Variants in SLC35F4 observed in about 807,000 individuals in gnomAD.
SLC35F4 encodes chromosome 14 open reading frame 36.
SLC35F4 carries 24 observed loss-of-function variants against 44.2 expected under a neutral mutation model. The ratio of observed to expected loss-of-function variants is 0.54; its 90% CI spans 0.39 to 0.76. SLC35F4 has a LOEUF of 0.76. SLC35F4 is among the 30% of genes least tolerant of loss of function. The pLI, the probability that SLC35F4 is intolerant of heterozygous loss-of-function variation, is 0.00. For synonymous variants in SLC35F4, 238 were observed against 223.6 expected, an observed-to-expected ratio of 1.06 and a Z score of -0.57; for missense variants, 562 against 586.1, an observed-to-expected ratio of 0.96 and a Z score of 0.42.
chr14:57,657,573 G>A (rs73303885), intron 1 of SLC35F4, among the ~76,000 whole-genome samples: 3,957 of 152,060 alleles, frequency 0.026, 163 homozygotes, highest in African/African-American at 0.089. Flanking sequence ...ATCCTGTGCC[G>A]GCCCTTGCTT....
At chr14:57,847,853 G>A (rs1886176938) in intron 1 of SLC35F4, among the ~76,000 whole-genome samples, 1 of 152,176 alleles carries the variant, frequency 6.6e-6, no homozygotes, top group Non-Finnish European at 1.5e-5. Flanking sequence ...TGTAGTAAAA[G>A]TTGGAAGATA....
chr14:57,635,931 G>T (rs191695369), intron 1 of SLC35F4, among the ~76,000 whole-genome samples: 27 of 152,256 alleles, frequency 1.8e-4, no homozygotes, highest in South Asian at 4.1e-4. Context: ...CAAAGCAAGA[G>T]AAATGGAGCC....
intron 1 of SLC35F4, among the ~76,000 whole-genome samples, chr14:57,618,959 G>C (rs1463250594): frequency 6.6e-6 from 1 of 152,180 alleles, no homozygotes; most frequent in Non-Finnish European, 1.5e-5. Context: ...CCGCAGCTCA[G>C]CAAGGCTGCT....
chr14:57,924,483 C>T lies in SLC35F4; in HGVS notation n.282+57430G>A, dbSNP rs142124318. Among the ~76,000 whole-genome samples the T allele has an allele frequency of 3.8e-3, 572 of 151,768 alleles. 4 individuals carry two copies. Among genetic ancestry groups the T allele is most frequent in the African/African-American group, 0.013 (535 of 41,350 alleles). The stretch of plus-strand genomic sequence containing the variant: ...TTTTTTTTTAAGACGGAGACTCGCT[C>T]TGTCACCCAGGCTGGGGTGCAATGG... On this transcript the variant is annotated intron_variant and non_coding_transcript_variant, in intron 1 of 1. Transcript: ENST00000556568.
Position 57,741,444 on chromosome 14 carries a change from C to T in SLC35F4, c.103+124279G>A, listed in dbSNP as rs192010433. Among the ~76,000 whole-genome samples, 227 of 152,250 alleles carry T rather than the reference C, an allele frequency of 1.5e-3. 1 individual carries two copies. The highest frequency in any genetic ancestry group is 6.8e-3 in the Middle Eastern group (2 of 294). On this transcript the variant is annotated intron_variant, in intron 1 of 7. Transcript: ENST00000556826. ...TGGCACGAGAACTACGTGACACATGCACAAGCTTCAATAGCCAATTCGATC... is the reference window on the plus strand; with the variant it reads ...TGGCACGAGAACTACGTGACACATGTACAAGCTTCAATAGCCAATTCGATC...
chr14:57,822,307 T>C (rs1218500141), intron 1 of SLC35F4, among the ~76,000 whole-genome samples: 2 of 152,366 alleles, frequency 1.3e-5, no homozygotes, highest in East Asian at 3.9e-4. Flanking sequence ...TACATCATTG[T>C]TCTGCAGTAT....
chr14:57,690,025 G>A (rs1226904583), intron 1 of SLC35F4, among the ~76,000 whole-genome samples: 1 of 151,766 alleles, frequency 6.6e-6, no homozygotes, highest in Admixed American at 6.6e-5. Context: ...CTAAATCTTT[G>A]CACACTCTCT....
chr14:57,797,516 T>G (rs2078081694), intron 1 of SLC35F4, among the ~76,000 whole-genome samples: 1 of 152,218 alleles, frequency 6.6e-6, no homozygotes, highest in Non-Finnish European at 1.5e-5. Flanking sequence ...TCTTTGGACT[T>G]CAGTTCCTTA....
chr14:57,820,610 G>A (rs767491010), intron 1 of SLC35F4, among the ~76,000 whole-genome samples: 2 of 152,106 alleles, frequency 1.3e-5, no homozygotes, highest in Admixed American at 6.6e-5. Flanking sequence ...AAACTACATC[G>A]TTTAATATTT....
chr14:57,730,192 T>C (rs565557739), intron 1 of SLC35F4, among the ~76,000 whole-genome samples: 1 of 152,308 alleles, frequency 6.6e-6, no homozygotes, highest in African/African-American at 2.4e-5. Context: ...GCTCATCTGA[T>C]TTTTGTTTTT....
At chr14:57,837,629 A>T (rs1885069820) in intron 1 of SLC35F4, 1 of 152,162 alleles carries the variant, frequency 6.6e-6, no homozygotes, top group Non-Finnish European at 1.5e-5. Flanking sequence ...CAATGAGGTG[A>T]CTGATGTCAC....
chr14:57,778,991 A>G (rs1000233792), intron 1 of SLC35F4, among the ~76,000 whole-genome samples: 3 of 152,200 alleles, frequency 2.0e-5, no homozygotes, highest in South Asian at 2.1e-4. Flanking sequence ...AGGGAAATTT[A>G]TAGCACTAAA....
intron 1 of SLC35F4, among the ~76,000 whole-genome samples, chr14:57,829,111 G>T (rs17093714): frequency 3.3e-5 from 5 of 152,266 alleles, no homozygotes; most frequent in African/African-American, 1.2e-4. Context: ...TTCACACAAA[G>T]GTTCTGACAT....
intron 1 of SLC35F4, among the ~76,000 whole-genome samples, chr14:57,714,020 G>C (rs1206634123): frequency 1.3e-5 from 2 of 152,034 alleles, no homozygotes; most frequent in Non-Finnish European, 2.9e-5. Context: ...TACCCAGAAA[G>C]CAAAAAATAC....
At chr14:57,875,109 T>A (rs550059932) in intron 1 of SLC35F4, among the ~76,000 whole-genome samples, 1 of 152,338 alleles carries the variant, frequency 6.6e-6, no homozygotes, top group African/African-American at 2.4e-5. Context: ...ATGGGCTCAA[T>A]TTGATAAATC....
chr14:57,653,675 GAAGT>G (rs1279053140), intron 1 of SLC35F4, among the ~76,000 whole-genome samples: 2 of 152,192 alleles, frequency 1.3e-5, no homozygotes, highest in African/African-American at 4.8e-5. Context: ...ATGTTGATCT[GAAGT>G]AAGATATGCC....
At chr14:57,982,121 G>C (rs1566525546), upstream of SLC35F4, 1 of 152,128 alleles carries the variant, frequency 6.6e-6, no homozygotes, top group Non-Finnish European at 1.5e-5. Context: ...AACCATGTCA[G>C]CAGACACGGT....
chr14:57,926,730 G>T (rs879479177), intron 1 of SLC35F4, among the ~76,000 whole-genome samples: 22 of 128,990 alleles, frequency 1.7e-4, no homozygotes, highest in Admixed American at 7.8e-4. Context: ...AGGGTTGGGG[G>T]GGGGGGGTGG....
rs1888554252 is a variant in SLC35F4, at chr14:57,882,376, C to T, written n.282+99537G>A. Among the ~76,000 whole-genome samples, 3 of 152,174 alleles carry T rather than the reference C, an allele frequency of 2.0e-5. No homozygotes were observed. The South Asian group carries it at 6.2e-4, about 32-fold the overall frequency. The stretch of plus-strand genomic sequence containing the variant: ...TCCCACCACCTATCTGACACCTCTC[C>T]AGAGAGAAGAATCAACACACCTGTC... On this transcript the variant is annotated intron_variant and non_coding_transcript_variant, in intron 1 of 1. Transcript: ENST00000556568.
Sources: gnomAD v4.1 joint callset for allele counts (sites outside exome capture counted in the v4.1 genomes callset) on GRCh38, gnomAD v4.1.1 for gene constraint, MANE v1.5 for transcripts, NCBI Gene and HGNC (gene_info 2026-07-23, HGNC 2026-07-21) for gene names.